Variants in NBEA observed in about 807,000 individuals in gnomAD.
NBEA encodes the protein lysosomal-trafficking regulator 2.
In NBEA, 44 loss-of-function variants were observed where a neutral mutation model predicts 343.4. The observed-to-expected ratio is 0.13, with a 90% CI of 0.10 to 0.16. NBEA has a LOEUF of 0.16. NBEA is among the 10% of genes least tolerant of loss of function. The pLI is 1.00. For missense variants in NBEA, 2,555 were observed against 3,631.3 expected (o/e 0.70, Z 7.62); for synonymous variants, 1,175 against 1,238.7 (o/e 0.95, Z 1.08).
chr13:35,486,202 A>G (rs2076297562), intron 41 of NBEA, among the ~76,000 whole-genome samples: 1 of 152,056 alleles, frequency 6.6e-6, no homozygotes, highest in Non-Finnish European at 1.5e-5. Context: ...GTTGCTAATG[A>G]TTGTTTTCTC....
intron 40 of NBEA, among the ~76,000 whole-genome samples, chr13:35,467,645 A>T (rs2075445284): frequency 6.6e-6 from 1 of 152,198 alleles, no homozygotes; most frequent in Non-Finnish European, 1.5e-5. Flanking sequence ...TACATTGAAC[A>T]TAAAGAATTT....
At chr13:35,105,690 C>T (rs1257825552) in intron 11 of NBEA, among the ~76,000 whole-genome samples, 7 of 151,958 alleles carry the variant, frequency 4.6e-5, no homozygotes, top group Non-Finnish European at 8.8e-5. Flanking sequence ...TTGCCTGCCA[C>T]CCTCCCCTCC....
At chr13:35,553,850 A>G (rs1310643336) in intron 43 of NBEA, among the ~76,000 whole-genome samples, 1 of 152,132 alleles carries the variant, frequency 6.6e-6, no homozygotes, top group Non-Finnish European at 1.5e-5. Context: ...CACACAAACT[A>G]TTTGCTCGAG....
intron 46 of NBEA, among the ~76,000 whole-genome samples, chr13:35,588,708 A>G (rs1387846104): frequency 6.6e-6 from 1 of 152,178 alleles, no homozygotes; most frequent in East Asian, 1.9e-4. Context: ...TAATATTAAA[A>G]GACACATTTT....
chr13:35,656,454 G>T (rs566854228), intron 55 of NBEA, among the ~76,000 whole-genome samples: 1 of 152,096 alleles, frequency 6.6e-6, no homozygotes, highest in Non-Finnish European at 1.5e-5. Flanking sequence ...TGTTTAATCC[G>T]CAGCCTCTCA....
At chr13:35,370,147 T>C (rs1459965010) in intron 38 of NBEA, among the ~76,000 whole-genome samples, 1 of 151,968 alleles carries the variant, frequency 6.6e-6, no homozygotes, top group Non-Finnish European at 1.5e-5. Flanking sequence ...TAACTGTTAC[T>C]CAACTGGAGT....
intron 44 of NBEA, among the ~76,000 whole-genome samples, chr13:35,563,342 C>T (rs1187739395): frequency 1.3e-5 from 2 of 151,828 alleles, no homozygotes; most frequent in African/African-American, 4.8e-5. Flanking sequence ...ATGAGTATTA[C>T]TTTGGAAATA....
intron 55 of NBEA, among the ~76,000 whole-genome samples, chr13:35,657,296 G>C (rs1015149139): frequency 1.3e-5 from 2 of 152,220 alleles, no homozygotes; most frequent in African/African-American, 4.8e-5. Context: ...CTGAACAAGA[G>C]AGTGTCTATT....
chr13:35,580,097 TAATA>T (rs1233052594), intron 45 of NBEA, among the ~76,000 whole-genome samples: 6 of 152,160 alleles, frequency 3.9e-5, no homozygotes, highest in Non-Finnish European at 5.9e-5. Flanking sequence ...TGAATTATAA[TAATA>T]AAGTTTTATA....
intron 18 of NBEA, among the ~76,000 whole-genome samples, chr13:35,144,324 A>G (rs2068280782): frequency 6.6e-6 from 1 of 152,134 alleles, no homozygotes; most frequent in Non-Finnish European, 1.5e-5. Flanking sequence ...CTGTGATGCT[A>G]TCTAGTTTTA....
chr13:35,183,079 A>G (rs2071425899), intron 29 of NBEA, among the ~76,000 whole-genome samples: 1 of 152,054 alleles, frequency 6.6e-6, no homozygotes, highest in East Asian at 1.9e-4. Context: ...AACATGGACA[A>G]CAATGAACCA....
chr13:35,067,306 C>T (rs542393392), intron 8 of NBEA, among the ~76,000 whole-genome samples: 1 of 152,104 alleles, frequency 6.6e-6, no homozygotes, highest in Non-Finnish European at 1.5e-5. Context: ...TACAACTTTG[C>T]TTCCATCTAC....
At chr13:35,097,296 C>T (rs2152636866) in intron 10 of NBEA, among the ~76,000 whole-genome samples, 1 of 151,854 alleles carries the variant, frequency 6.6e-6, no homozygotes, top group East Asian at 1.9e-4. Context: ...TTGTCTGAAT[C>T]ACTTGTAAGA....
At chr13:35,340,625 G>A (rs1283225065) in intron 36 of NBEA, among the ~76,000 whole-genome samples, 1 of 151,974 alleles carries the variant, frequency 6.6e-6, no homozygotes, top group African/African-American at 2.4e-5. Flanking sequence ...TATATTATAT[G>A]TATTTTATTA....
chr13:35,670,826 GATACTGTCTAGTGTAAA>G, intron 58 of NBEA, 58 bp from the exon 59 acceptor site: 1 of 988,916 alleles, frequency 1.0e-6, no homozygotes, highest in Non-Finnish European at 1.5e-6. Context: ...CAAACTTTGA[GATACTGTCTAGTGTAAA>G]ATAGCAACCA....
At chr13:35,396,405 T>G (rs2042746970) in intron 38 of NBEA, among the ~76,000 whole-genome samples, 1 of 152,150 alleles carries the variant, frequency 6.6e-6, no homozygotes, top group Non-Finnish European at 1.5e-5. Context: ...AGAATTTCAT[T>G]TTAATTTATA....
chr13:35,164,271 A>G (rs946840343), intron 23 of NBEA, 85 bp from the exon 24 acceptor site: 4 of 1,218,796 alleles, frequency 3.3e-6, no homozygotes, highest in Middle Eastern at 2.3e-4. Flanking sequence ...CTACAGTTCT[A>G]TAATTTTTCA....
intron 2 of NBEA, among the ~76,000 whole-genome samples, chr13:35,041,786 A>T (rs1033822184): frequency 6.6e-6 from 1 of 151,954 alleles, no homozygotes; most frequent in African/African-American, 2.4e-5. Flanking sequence ...TTCACCACCA[A>T]CCGTTTACTA....
intron 31 of NBEA, among the ~76,000 whole-genome samples, chr13:35,206,136 A>G (rs2152748967): frequency 6.6e-6 from 1 of 152,196 alleles, no homozygotes; most frequent in East Asian, 1.9e-4. Context: ...TTTACTTATA[A>G]GTCATAATTA....
Sources: allele counts gnomAD v4.1 joint callset (sites outside exome capture counted in the v4.1 genomes callset), GRCh38; gene constraint gnomAD v4.1.1; transcripts MANE v1.5; gene names NCBI Gene and HGNC (gene_info 2026-07-23, HGNC 2026-07-21).